Variants in MACROD2 observed in about 807,000 individuals in gnomAD.
The protein encoded by MACROD2 is ADP-ribose glycohydrolase MACROD2.
In MACROD2, 36 loss-of-function variants were observed where a neutral mutation model predicts 70.4. That is an observed-to-expected ratio of 0.51 (90% CI 0.39 to 0.68). The LOEUF (loss-of-function observed/expected upper bound fraction) is 0.68, where lower values mean the gene tolerates loss of function less well. MACROD2 is among the 30% of genes least tolerant of loss of function. The pLI, the probability that MACROD2 is intolerant of heterozygous loss-of-function variation, is 0.00. For missense variants in MACROD2, 496 were observed against 538.4 expected (o/e 0.92, Z 0.78); for synonymous variants, 172 against 178.8 (o/e 0.96, Z 0.30).
At chr20:15,502,911 A>T (rs1022084541) in intron 8 of MACROD2, among the ~76,000 whole-genome samples, 4 of 152,220 alleles carry the variant, frequency 2.6e-5, no homozygotes, top group Non-Finnish European at 5.9e-5. Context: ...AATATCATCT[A>T]TCACATGACA....
intron 8 of MACROD2, among the ~76,000 whole-genome samples, chr20:15,574,660 A>G (rs1453223481): frequency 2.0e-5 from 3 of 152,144 alleles, no homozygotes; most frequent in African/African-American, 7.2e-5. Flanking sequence ...ACTTCATTGC[A>G]TCAATTCTAA....
At chr20:15,860,429 G>T (rs1050143042) in intron 8 of MACROD2, among the ~76,000 whole-genome samples, 10 of 151,984 alleles carry the variant, frequency 6.6e-5, no homozygotes, top group Non-Finnish European at 1.2e-4. Flanking sequence ...GTAAAGCCTG[G>T]GGGAAAAAAG....
chr20:15,786,903 A>AC (rs2051938069), intron 8 of MACROD2, among the ~76,000 whole-genome samples: 1 of 152,198 alleles, frequency 6.6e-6, no homozygotes, highest in Admixed American at 6.5e-5. Context: ...TGGCATACAA[A>AC]GTGTAAGTGT....
intron 15 of MACROD2, among the ~76,000 whole-genome samples, chr20:16,002,280 G>T (rs1180191165): frequency 6.6e-6 from 1 of 152,136 alleles, no homozygotes; most frequent in Admixed American, 6.5e-5. Context: ...GTTTTTAATT[G>T]CCTGGAGTAG....
At chr20:14,789,470 T>C (rs2072421578) in intron 5 of MACROD2, among the ~76,000 whole-genome samples, 2 of 116,822 alleles carry the variant, frequency 1.7e-5, no homozygotes, top group Admixed American at 8.6e-5. Flanking sequence ...ATTTTTTTTT[T>C]TTTTTTTTTT....
chr20:14,175,068 C>T (rs966901733), intron 3 of MACROD2, among the ~76,000 whole-genome samples: 110 of 152,280 alleles, frequency 7.2e-4, no homozygotes, highest in African/African-American at 2.4e-3. Flanking sequence ...AATCTTCCTT[C>T]TTCAAAGGGT....
intron 3 of MACROD2, among the ~76,000 whole-genome samples, chr20:14,461,305 T>G (rs929651262): frequency 6.6e-6 from 1 of 152,074 alleles, no homozygotes; most frequent in Non-Finnish European, 1.5e-5. Flanking sequence ...GTCTATTTGA[T>G]TCTTCTGTCT....
At chr20:14,757,761 A>G in intron 5 of MACROD2, 2 of 1,535,056 alleles carry the variant, frequency 1.3e-6, no homozygotes, top group East Asian at 4.5e-5. Flanking sequence ...AGACATTTCT[A>G]CTGGTACCTT....
intron 6 of MACROD2, among the ~76,000 whole-genome samples, chr20:15,370,099 A>C (rs1469780382): frequency 6.6e-6 from 1 of 152,130 alleles, no homozygotes; most frequent in Non-Finnish European, 1.5e-5. Context: ...ACTGTGGCTA[A>C]ATAAGTTTAC....
intron 5 of MACROD2, among the ~76,000 whole-genome samples, chr20:14,927,455 A>C (rs1317070987): frequency 3.9e-5 from 6 of 152,178 alleles, no homozygotes; most frequent in Non-Finnish European, 8.8e-5. Flanking sequence ...TCCAGGGGCC[A>C]GAAACTCTGG....
intron 3 of MACROD2, among the ~76,000 whole-genome samples, chr20:14,253,884 A>G (rs1328701639): frequency 1.3e-5 from 2 of 152,102 alleles, no homozygotes; most frequent in African/African-American, 4.8e-5. Flanking sequence ...TCACTTTTTC[A>G]GTCTAAACCA....
intron 8 of MACROD2, among the ~76,000 whole-genome samples, chr20:15,502,298 A>G (rs776354806): frequency 3.3e-5 from 5 of 152,298 alleles, no homozygotes; most frequent in Non-Finnish European, 5.9e-5. Flanking sequence ...TTCCACACAG[A>G]GAGAACCATA....
intron 13 of MACROD2, among the ~76,000 whole-genome samples, chr20:15,970,129 A>T (rs2066208075): frequency 6.6e-6 from 1 of 152,114 alleles, no homozygotes; most frequent in Admixed American, 6.5e-5. Flanking sequence ...CAGGGGGAAA[A>T]GTATGTTTCA....
intron 8 of MACROD2, among the ~76,000 whole-genome samples, chr20:15,830,541 C>T (rs529006730): frequency 1.9e-4 from 29 of 152,240 alleles, no homozygotes; most frequent in African/African-American, 1.2e-4. Flanking sequence ...AAGCATTAAA[C>T]GACACAGAAT....
chr20:14,485,555 G>A (rs1429889453), intron 3 of MACROD2, among the ~76,000 whole-genome samples: 5 of 151,932 alleles, frequency 3.3e-5, no homozygotes, highest in African/African-American at 4.8e-5. Flanking sequence ...CAAAAAATTA[G>A]CCGGGCGTGG....
chr20:14,493,559 A>G (rs780447981), intron 4 of MACROD2, 51 bp downstream of exon 4: 2 of 1,441,374 alleles, frequency 1.4e-6, no homozygotes, highest in South Asian at 1.2e-5. Context: ...TGTTATACCA[A>G]CTACAAGATA....
chr20:15,446,619 C>T (rs2046569141), intron 7 of MACROD2, among the ~76,000 whole-genome samples: 1 of 152,182 alleles, frequency 6.6e-6, no homozygotes, highest in African/African-American at 2.4e-5. Flanking sequence ...TTGCGAACGC[C>T]AGCCCTTGCA....
chr20:14,524,756 A>T (rs138960165), intron 4 of MACROD2, among the ~76,000 whole-genome samples: 12 of 152,178 alleles, frequency 7.9e-5, no homozygotes, highest in African/African-American at 2.4e-4. Flanking sequence ...ACCTTCACTG[A>T]TGCTCCTCAA....
chr20:14,152,053 C>CCGGT (rs2055031760), intron 3 of MACROD2, among the ~76,000 whole-genome samples: 1 of 151,548 alleles, frequency 6.6e-6, no homozygotes, highest in Non-Finnish European at 1.5e-5. Context: ...GATCTCCTGA[C>CCGGT]CTCATGATCT....
Sources: allele counts gnomAD v4.1 joint callset (sites outside exome capture counted in the v4.1 genomes callset), GRCh38; gene constraint gnomAD v4.1.1; transcripts MANE v1.5; gene names NCBI Gene and HGNC (gene_info 2026-07-23, HGNC 2026-07-21).